Variants in MLLT1 observed in about 807,000 individuals in gnomAD.
The protein encoded by MLLT1 is protein ENL.
A neutral mutation model predicts 55.1 loss-of-function variants in MLLT1; 11 were observed. The observed-to-expected ratio is 0.20, with a 90% CI of 0.13 to 0.33. MLLT1 has a LOEUF of 0.33. MLLT1 is among the 10% of genes least tolerant of loss of function. The pLI, the probability that MLLT1 is intolerant of heterozygous loss-of-function variation, is 1.00. For synonymous variants in MLLT1, 323 were observed against 320.1 expected, an observed-to-expected ratio of 1.01 and a Z score of -0.10; for missense variants, 536 against 760.6, an observed-to-expected ratio of 0.70 and a Z score of 3.47.
intron 3 of MLLT1, among the ~76,000 whole-genome samples, chr19:6,253,264 CAAAAAAAAA>C (rs71172800): frequency 2.9e-4 from 7 of 24,548 alleles, no homozygotes; most frequent in African/African-American, 4.2e-4. Flanking sequence ...GACCCCATCT[CAAAAAAAAA>C]AAAAAAAAAA....
intron 3 of MLLT1, among the ~76,000 whole-genome samples, chr19:6,253,734 A>G (rs758297957): frequency 6.6e-6 from 1 of 152,170 alleles, no homozygotes; most frequent in Non-Finnish European, 1.5e-5. Context: ...AATCTACATG[A>G]TTTTCTCATT....
intron 3 of MLLT1, among the ~76,000 whole-genome samples, chr19:6,248,771 G>T (rs182978642): frequency 6.6e-6 from 1 of 152,136 alleles, no homozygotes; most frequent in Admixed American, 6.5e-5. Context: ...TTTAGTTCAC[G>T]GCGATTGTAC....
rs1368723463 is a variant in MLLT1 at position 6,212,015 on chromosome 19, GC to G, written c.*1026del. 6 of 1,065,648 alleles carry G rather than the reference GC, an allele frequency of 5.6e-6. No homozygotes were observed. The highest frequency in any genetic ancestry group is 1.1e-4 in the Admixed American group (2 of 18,748). The allele number at this position is 1,065,648 out of a possible 1,614,324, so 66.0% of individuals were successfully genotyped here. Reference sequence around the variant, plus strand: ...CGAGGGGCTGACCAGAGTTCAATGCGCCTCAGAAAACTCCATAAACTATCCC... The same window carrying G: ...CGAGGGGCTGACCAGAGTTCAATGCGCTCAGAAAACTCCATAAACTATCCC... On this transcript the variant is annotated 3_prime_UTR_variant, in exon 12 of 12. Transcript: ENST00000252674.
rs1465717184 is a variant in MLLT1, at chr19:6,273,430, C to T, written c.13-2671G>A. Among the ~76,000 whole-genome samples the T allele has an allele frequency of 1.3e-5, 2 of 152,158 alleles. No homozygotes were observed. The highest frequency in any genetic ancestry group is 4.8e-5 in the African/African-American group (2 of 41,434). On this transcript the variant is annotated intron_variant, in intron 1 of 11. Coordinates refer to ENST00000252674, the MANE Select transcript of MLLT1 (RefSeq NM_005934.4). The surrounding 1 kb of genome is among the most constrained non-coding windows in gnomAD (Gnocchi z 4.3). ...GGAAGATCAGGCGCACTCATAAACC[C>T]CCGGCGCTGCGGATTCATGAGGATC... is the stretch of plus-strand genomic sequence containing the variant.
At chr19:6,228,517 CT>C (rs2090975167) in intron 4 of MLLT1, among the ~76,000 whole-genome samples, 1 of 152,174 alleles carries the variant, frequency 6.6e-6, no homozygotes, top group Admixed American at 6.5e-5. Flanking sequence ...AGACACGGTC[CT>C]AAGGGGCACA....
rs1365257624 is a variant in MLLT1, at chr19:6,231,581, G to A, written c.277-868C>T. ...GGCTGGAGTGCAGTGGCGCGATCTC[G>A]GCTCACTGCAAGCTCCACCTCCCTG... On this transcript the variant is annotated intron_variant, in intron 3 of 11. Transcript: ENST00000252674. The surrounding 1 kb of genome is among the most constrained non-coding windows in gnomAD (Gnocchi z 5.1). Among the ~76,000 whole-genome samples the A allele has an allele frequency of 5.9e-5, 9 of 151,642 alleles. No individual in the cohort carries two copies. Among genetic ancestry groups the A allele is most frequent in the Admixed American group, 2.6e-4 (4 of 15,232 alleles).
In MLLT1 at chr19:6,212,130, C is replaced by T; in HGVS notation, c.*912G>A. The stretch of plus-strand genomic sequence containing the variant: ...AGGAGCCTATGGGAGGAGGCCGAGC[C>T]CCAGGGCGGCTGATGCGAGTCTGTC... On this transcript the variant is annotated 3_prime_UTR_variant, in exon 12 of 12. Coordinates refer to ENST00000252674, the MANE Select transcript of MLLT1 (RefSeq NM_005934.4). 9.4e-7 allele frequency: 1 copy of T among 1,066,466 alleles called. No individual in the cohort carries two copies. The highest frequency in any genetic ancestry group is 1.6e-5 in the African/African-American group (1 of 61,220). 66.1% of individuals were successfully genotyped at this position (1,066,466 alleles called of 1,614,324 possible).
chr19:6,227,319 C>T lies in MLLT1; in HGVS notation c.421-217G>A, dbSNP rs2090965401. 6.6e-6 allele frequency among the ~76,000 whole-genome samples: 1 copy of T among 152,152 alleles called. No individual in the cohort carries two copies. The highest frequency in any genetic ancestry group is 2.4e-5 in the African/African-American group (1 of 41,436). ...GGGGAGCGAAGAAAAGCCCAGGGTCCCAGGATGGCTGGGACCAGGTGGGGC... is the reference window on the plus strand; with the variant it reads ...GGGGAGCGAAGAAAAGCCCAGGGTCTCAGGATGGCTGGGACCAGGTGGGGC... On this transcript the variant is annotated intron_variant, in intron 4 of 11. Coordinates refer to ENST00000252674, the MANE Select transcript of MLLT1 (RefSeq NM_005934.4). The surrounding 1 kb of genome is among the most constrained non-coding windows in gnomAD (Gnocchi z 5.1).
At chr19:6,254,712 T>C (rs2091244555) in intron 3 of MLLT1, among the ~76,000 whole-genome samples, 1 of 152,164 alleles carries the variant, frequency 6.6e-6, no homozygotes, top group Non-Finnish European at 1.5e-5. Flanking sequence ...TTCCTTAACC[T>C]GATAAAGGGC....
rs1157301550 is a variant in MLLT1 at position 6,229,956 on chromosome 19, T to C, written c.420+614A>G. ...GCTCTGTGGCCCTGGGCCCTGAAGG[T>C]GGCATTGCTGTTCTGTGACCAGGCC... On this transcript the variant is annotated intron_variant, in intron 4 of 11. Coordinates refer to ENST00000252674, the MANE Select transcript of MLLT1 (RefSeq NM_005934.4). This position sits in a 1 kb window ranked among gnomAD's most constrained non-coding sequence, Gnocchi z 5.2. Among the ~76,000 whole-genome samples the C allele has an allele frequency of 6.6e-6, 1 of 152,066 alleles. No homozygotes were observed. Among genetic ancestry groups the C allele is most frequent in the Non-Finnish European group, 1.5e-5 (1 of 68,000 alleles).
At chr19:6,244,240 G>A (rs576257754) in intron 3 of MLLT1, among the ~76,000 whole-genome samples, 2 of 151,858 alleles carry the variant, frequency 1.3e-5, no homozygotes, top group Non-Finnish European at 2.9e-5. Context: ...CAAGAGAGGG[G>A]AACGTGTTCA....
intron 3 of MLLT1, among the ~76,000 whole-genome samples, chr19:6,247,957 C>G (rs976254271): frequency 2.6e-5 from 4 of 152,136 alleles, no homozygotes; most frequent in African/African-American, 9.7e-5. Context: ...GTGGTGTGAT[C>G]TCAGCTCACT....
At chr19:6,242,024 G>A (rs1053346288) in intron 3 of MLLT1, among the ~76,000 whole-genome samples, 1 of 152,224 alleles carries the variant, frequency 6.6e-6, no homozygotes, top group Non-Finnish European at 1.5e-5. Flanking sequence ...GGAGGGAGTT[G>A]CTTGCAGAAG....
chr19:6,260,761 G>A (rs1189489219), intron 3 of MLLT1, among the ~76,000 whole-genome samples: 2 of 152,232 alleles, frequency 1.3e-5, no homozygotes, highest in Non-Finnish European at 1.5e-5. Context: ...TGGGAGGATC[G>A]CTTGAGCCTG....
chr19:6,262,382 C>A lies in MLLT1; in HGVS notation c.194-72G>T. 7.4e-7 allele frequency: 1 copy of A among 1,347,118 alleles called. No individual in the cohort carries two copies. The highest frequency in any genetic ancestry group is 1.1e-6 in the Non-Finnish European group (1 of 951,574). The allele number at this position is 1,347,118 out of a possible 1,614,324, so 83.4% of individuals were successfully genotyped here. A position where few individuals can be genotyped will look rare whatever the true frequency, so the allele number is the denominator to read the frequency against. ...CAGGCCCAGCTGCCAGCGGCAGTAC[C>A]GCACCCCTCAACCCCACCACCTCCT... is the stretch of plus-strand genomic sequence containing the variant. On this transcript the variant is annotated intron_variant, in intron 2 of 11. Transcript: ENST00000252674. This position sits in a 1 kb window ranked among gnomAD's most constrained non-coding sequence, Gnocchi z 4.4.
intron 1 of MLLT1, among the ~76,000 whole-genome samples, chr19:6,277,726 A>C (rs1485153485): frequency 6.6e-6 from 1 of 152,168 alleles, no homozygotes; most frequent in African/African-American, 2.4e-5. Flanking sequence ...CATCTCCCCC[A>C]GGGACTAAGG....
chr19:6,241,270 C>G (rs1221573812), intron 3 of MLLT1, among the ~76,000 whole-genome samples: 9 of 152,218 alleles, frequency 5.9e-5, no homozygotes. Flanking sequence ...CCCGTGTCCC[C>G]CAAGCCACTG....
In MLLT1 at chr19:6,231,654, A is replaced by G. The variant is rs868860436; in HGVS notation, c.277-941T>C. ...GCAGCTGGGACTACAGGCGCCCGCCACCACGTCTGGCTAATTTTTTGTATT... is the reference window on the plus strand; with the variant it reads ...GCAGCTGGGACTACAGGCGCCCGCCGCCACGTCTGGCTAATTTTTTGTATT... On this transcript the variant is annotated intron_variant, in intron 3 of 11. Coordinates refer to ENST00000252674, the MANE Select transcript of MLLT1 (RefSeq NM_005934.4). The surrounding 1 kb of genome is among the most constrained non-coding windows in gnomAD (Gnocchi z 5.1). Among the ~76,000 whole-genome samples the G allele has an allele frequency of 4.6e-5, 7 of 151,824 alleles. No homozygotes were observed. Among genetic ancestry groups the G allele is most frequent in the African/African-American group, 1.7e-4 (7 of 41,344 alleles).
intron 3 of MLLT1, among the ~76,000 whole-genome samples, chr19:6,241,151 T>C (rs139869605): frequency 9.1e-4 from 139 of 152,242 alleles, no homozygotes; most frequent in East Asian, 8.9e-3. Context: ...GAGTGGTCAG[T>C]CCCGGGGCCT....
Sources: allele counts gnomAD v4.1 joint callset (sites outside exome capture counted in the v4.1 genomes callset), GRCh38; gene constraint gnomAD v4.1.1; non-coding constraint Gnocchi (gnomAD v3.1); transcripts MANE v1.5; gene names NCBI Gene and HGNC (gene_info 2026-07-23, HGNC 2026-07-21).